The following DENND5B variants were observed in gnomAD, a reference collection of about 807,000 sequenced individuals.
DENND5B encodes the protein DENN domain-containing protein 5B.
In DENND5B, 34 loss-of-function variants were observed where a neutral mutation model predicts 140.6. The observed-to-expected ratio is 0.24, with a 90% confidence interval of 0.18 to 0.32. The LOEUF (loss-of-function observed/expected upper bound fraction) is 0.32. DENND5B is among the 10% of genes least tolerant of loss of function. The pLI is 1.00. For synonymous variants in DENND5B, 551 were observed against 562.1 expected (o/e 0.98, Z 0.28); for missense variants, 1,142 against 1,560.2 (o/e 0.73, Z 4.52).
chr12:31,480,264 G>C lies in DENND5B; in HGVS notation c.238-9C>G. 1 of 1,405,456 alleles carries C rather than the reference G, an allele frequency of 7.1e-7. No individual in the cohort carries two copies. The highest frequency in any genetic ancestry group is 9.3e-7 in the Non-Finnish European group (1 of 1,080,978). 87.1% of individuals were successfully genotyped at this position (1,405,456 alleles called of 1,614,324 possible). ...CCTTTAGGCATGCACAACTGTGAAAGAAAGAAAAAAAAAAATCAGAATGCA... is the reference window on the plus strand; with the variant it reads ...CCTTTAGGCATGCACAACTGTGAAACAAAGAAAAAAAAAAATCAGAATGCA... On this transcript the variant is annotated splice_polypyrimidine_tract_variant and intron_variant, in intron 2 of 20. Transcript: ENST00000389082.
chr12:31,524,041 CTTTTTTTTTTTTT>C (rs148193944), intron 1 of DENND5B, among the ~76,000 whole-genome samples: 1 of 121,570 alleles, frequency 8.2e-6, no homozygotes, highest in African/African-American at 3.2e-5. Context: ...CTACTGAGCC[CTTTTTTTTTTTTT>C]TTTTTTTTTA....
At chr12:31,494,138 T>TATCTATCTA in intron 2 of DENND5B, among the ~76,000 whole-genome samples, 1 of 139,860 alleles carries the variant, frequency 7.2e-6, no homozygotes, top group East Asian at 2.1e-4. Context: ...TCTCTCTATC[T>TATCTATCTA]TCTATCTATC....
chr12:31,547,419 T>C (rs1320969446), intron 1 of DENND5B, among the ~76,000 whole-genome samples: 1 of 152,204 alleles, frequency 6.6e-6, no homozygotes, highest in Non-Finnish European at 1.5e-5. Flanking sequence ...TGTTTTGTTT[T>C]TGAGACAGAG....
At chr12:31,416,904 CTTTTTTTTTTTAATTAGCTTTTTTT>C (rs1942770844) in intron 11 of DENND5B, among the ~76,000 whole-genome samples, 1 of 136,104 alleles carries the variant, frequency 7.3e-6, no homozygotes. Context: ...ATATATATGT[CTTTTTTTTTTTAATTAGCTTTTTTT>C]TTTTTTTTTA....
At chr12:31,402,402 T>C in intron 15 of DENND5B, 96 bp downstream of exon 15, 1 of 1,446,714 alleles carries the variant, frequency 6.9e-7, no homozygotes, top group Middle Eastern at 1.9e-4. Context: ...GTTCCTCTAT[T>C]TTATTTGATT....
chr12:31,459,896 GA>G (rs75027838), intron 4 of DENND5B, among the ~76,000 whole-genome samples: 1,905 of 151,790 alleles, frequency 0.013, 19 homozygotes, highest in East Asian at 0.031. Context: ...CGTGAATAAA[GA>G]AAAAAAATAT....
At chr12:31,480,849 T>C (rs1946042353) in intron 2 of DENND5B, among the ~76,000 whole-genome samples, 2 of 152,182 alleles carry the variant, frequency 1.3e-5, no homozygotes, top group Admixed American at 1.3e-4. Context: ...AGCTTTTTGA[T>C]CTACTAAAGC....
At chr12:31,456,008 G>A (rs1944760802) in intron 4 of DENND5B, among the ~76,000 whole-genome samples, 1 of 150,536 alleles carries the variant, frequency 6.6e-6, no homozygotes, top group African/African-American at 2.5e-5. Context: ...GACAGAGTGA[G>A]ACTCCGTCTC....
chr12:31,444,400 T>C (rs1211807829), intron 6 of DENND5B, among the ~76,000 whole-genome samples: 2 of 152,082 alleles, frequency 1.3e-5, no homozygotes, highest in East Asian at 3.9e-4. Flanking sequence ...CCCGCCACCA[T>C]GCCCAGCTAA....
At chr12:31,544,493 C>G (rs77170322) in intron 1 of DENND5B, among the ~76,000 whole-genome samples, 1,722 of 152,204 alleles carry the variant, frequency 0.011, 19 homozygotes, top group East Asian at 0.031. Flanking sequence ...CTGTATTGCC[C>G]AGGCTGGTCT....
rs527867875 is a variant in DENND5B, at chr12:31,518,373, T to TA, written c.128-22455dup. Among the ~76,000 whole-genome samples the TA allele has an allele frequency of 1.1e-4, 17 of 152,302 alleles. No individual in the cohort carries two copies. The East Asian group carries it at 2.5e-3, about 22-fold the overall frequency. On this transcript the variant is annotated intron_variant, in intron 1 of 20. Coordinates refer to ENST00000389082, the MANE Select transcript of DENND5B (RefSeq NM_144973.4). The stretch of plus-strand genomic sequence containing the variant: ...AACATGGTTTGCCTAAGGTGAGAAT[T>TA]AAAGACAGAGCTGAGGCTTGAATTA...
chr12:31,489,074 A>G (rs1408065725), intron 2 of DENND5B, among the ~76,000 whole-genome samples: 1 of 152,176 alleles, frequency 6.6e-6, no homozygotes, highest in Non-Finnish European at 1.5e-5. Context: ...CCTCTCCCTC[A>G]TTATGCAAAT....
At chr12:31,408,534 C>A (rs1345429348) in intron 14 of DENND5B, among the ~76,000 whole-genome samples, 2 of 133,562 alleles carry the variant, frequency 1.5e-5, no homozygotes, top group African/African-American at 5.6e-5. Flanking sequence ...GGCTGAGGCA[C>A]AAGAATTCCT....
At chr12:31,502,480 G>GGA (rs1212646397) in intron 1 of DENND5B, among the ~76,000 whole-genome samples, 1 of 152,082 alleles carries the variant, frequency 6.6e-6, no homozygotes, top group East Asian at 1.9e-4. Flanking sequence ...AACTCTTGGA[G>GGA]GAAAGTTTAC....
chr12:31,529,366 C>T (rs145562598), intron 1 of DENND5B, among the ~76,000 whole-genome samples: 121 of 152,224 alleles, frequency 7.9e-4, no homozygotes, highest in African/African-American at 2.4e-3. Context: ...GAGTCCACAG[C>T]ACTCAAAGAT....
intron 3 of DENND5B, among the ~76,000 whole-genome samples, chr12:31,467,234 C>T (rs1945308807): frequency 6.6e-6 from 1 of 151,828 alleles, no homozygotes; most frequent in Middle Eastern, 3.4e-3. Flanking sequence ...ATAGAGAAAG[C>T]TATCTCAGGA....
intron 1 of DENND5B, among the ~76,000 whole-genome samples, chr12:31,575,408 G>T (rs1949976926): frequency 6.6e-6 from 1 of 152,152 alleles, no homozygotes; most frequent in African/African-American, 2.4e-5. Context: ...CGTAAGAGTA[G>T]ATTGTGACTA....
At chr12:31,568,566 G>C (rs188176438) in intron 1 of DENND5B, among the ~76,000 whole-genome samples, 45 of 152,294 alleles carry the variant, frequency 3.0e-4, no homozygotes, top group African/African-American at 1.1e-3. Context: ...AAGGCTAGAG[G>C]AGGAAAGTTA....
At chr12:31,427,470 G>A (rs113501012) in intron 8 of DENND5B, among the ~76,000 whole-genome samples, 5 of 152,072 alleles carry the variant, frequency 3.3e-5, no homozygotes, top group South Asian at 4.2e-4. Flanking sequence ...GCCACGCGTG[G>A]TGGTGGACGT....
Sources: allele counts gnomAD v4.1 joint callset (sites outside exome capture counted in the v4.1 genomes callset), GRCh38; gene constraint gnomAD v4.1.1; transcripts MANE v1.5; gene names NCBI Gene and HGNC (gene_info 2026-07-23, HGNC 2026-07-21).